TRPM5: variants seen among roughly 807,000 people sequenced by gnomAD.
TRPM5 encodes MLSN1 and TRP-related.
Under a neutral mutation model 124.9 loss-of-function variants are expected in TRPM5, and 121 were observed. That is an observed-to-expected ratio of 0.97 (90% CI 0.84 to 1.13). The LOEUF (loss-of-function observed/expected upper bound fraction) is 1.13, where lower values mean the gene tolerates loss of function less well. Ranked by LOEUF, TRPM5 falls within the 50% of genes most tolerant of loss-of-function variation. The pLI, the probability that TRPM5 is intolerant of heterozygous loss-of-function variation, is 0.00. For missense variants in TRPM5, 1,643 were observed against 1,589.1 expected, an observed-to-expected ratio of 1.03 and a Z score of -0.58; for synonymous variants, 781 against 700.5, an observed-to-expected ratio of 1.11 and a Z score of -1.81.
At chr11:2,423,136 G>T, upstream of TRPM5, 1 of 967,582 alleles carries the variant, frequency 1.0e-6, no homozygotes, top group Non-Finnish European at 1.6e-6. Flanking sequence ...TTTCCCCTGG[G>T]AAGCCCCTCT....
At chr11:2,422,526 G>C (rs1481331789) in intron 1 of TRPM5, among the ~76,000 whole-genome samples, 1 of 152,002 alleles carries the variant, frequency 6.6e-6, no homozygotes, top group East Asian at 1.9e-4. Flanking sequence ...AGCAGGAGGA[G>C]AGTGGCCCCC....
chr11:2,421,637 A>T (rs1845773525), intron 2 of TRPM5, among the ~76,000 whole-genome samples: 1 of 152,216 alleles, frequency 6.6e-6, no homozygotes, highest in Admixed American at 6.5e-5. Flanking sequence ...TGAAACCTCA[A>T]GTCCTTTTCT....
upstream of TRPM5, among the ~76,000 whole-genome samples, chr11:2,426,211 G>A (rs1005755654): frequency 2.6e-5 from 4 of 152,178 alleles, no homozygotes; most frequent in East Asian, 7.7e-4. Context: ...CAGCAGCTGA[G>A]GTCAGGGAAG....
intron 18 of TRPM5, among the ~76,000 whole-genome samples, 190 bp from the exon 24 acceptor site, chr11:2,408,102 C>G (rs942642454): frequency 6.6e-6 from 1 of 152,168 alleles, no homozygotes; most frequent in Admixed American, 6.5e-5. Context: ...TCACAGCAAA[C>G]CAGAACCAGA....
chr11:2,413,006 C>T (rs1260501229), exon 15 of TRPM5: 6 of 1,603,884 alleles, frequency 3.7e-6, no homozygotes, highest in Non-Finnish European at 4.2e-6. Flanking sequence ...CCACCAGCTC[C>T]TCCACCCTGT....
chr11:2,406,073 C>T (rs967026179), exon 22 of TRPM5: 2 of 1,612,154 alleles, frequency 1.2e-6, no homozygotes, highest in Non-Finnish European at 1.7e-6. Context: ...CCCCGAGGTA[C>T]TTGGCAATGA....
chr11:2,422,353 G>C (rs112700123), intron 1 of TRPM5, 32 bp from the exon 7 acceptor site: 2 of 1,586,450 alleles, frequency 1.3e-6, no homozygotes, highest in South Asian at 2.3e-5. Flanking sequence ...CAGGGCTTTC[G>C]GGGCACGGGG....
intron 23 of TRPM5, among the ~76,000 whole-genome samples, chr11:2,405,303 C>CAG (rs1850292799): frequency 6.6e-6 from 1 of 152,244 alleles, no homozygotes; most frequent in Non-Finnish European, 1.5e-5. Context: ...CCACGCCAGG[C>CAG]AGAGCCTCAA....
chr11:2,422,945 C>G (rs1179261572), exon 1 of TRPM5: 1 of 1,613,236 alleles, frequency 6.2e-7, no homozygotes. Flanking sequence ...CCCAGACCCT[C>G]CAAAGTTGAC....
In TRPM5 at chr11:2,414,675, C is replaced by T. The variant is rs1485021456; in HGVS notation, c.1744+40G>A. ...TCGTCCGACCCCTCCGTCACATCCT[C>T]CCCCGCGCGCGGGCCCGGCCCCAGC... is the stretch of plus-strand genomic sequence containing the variant. On this transcript the variant is annotated intron_variant, in intron 11 of 23. Coordinates refer to ENST00000155858, the Ensembl canonical transcript of TRPM5. 6.1e-6 allele frequency: 9 copies of T among 1,467,018 alleles called. No individual in the cohort carries two copies. In the Admixed American group the frequency reaches 9.2e-5, roughly 15 times the overall value. The allele number at this position is 1,467,018 out of a possible 1,614,324, so 90.9% of individuals were successfully genotyped here.
intron 21 of TRPM5, 51 bp from the exon 27 acceptor site, chr11:2,406,142 G>T (rs369473047): frequency 1.3e-6 from 2 of 1,595,886 alleles, no homozygotes; most frequent in Admixed American, 1.7e-5. Flanking sequence ...GGTGCTCTGC[G>T]TGTGGGGAGC....
At chr11:2,417,637 C>A in intron 7 of TRPM5, 90 bp downstream of exon 12, 1 of 1,042,776 alleles carries the variant, frequency 9.6e-7, no homozygotes, top group Non-Finnish European at 1.4e-6. Context: ...CCGAGCGTCA[C>A]AAACATTGGC....
In TRPM5 at chr11:2,411,849, G is replaced by C. The variant is rs996725589; in HGVS notation, c.2475-82C>G. The C allele has an allele frequency of 5.8e-6, 9 of 1,553,998 alleles. No homozygotes were observed. The Admixed American group carries it at 7.3e-5, about 13-fold the overall frequency. On this transcript the variant is annotated intron_variant, in intron 16 of 23. Coordinates refer to ENST00000155858, the Ensembl canonical transcript of TRPM5. ...CAGGGGCACACAGCATGCTGGCTGC[G>C]GGCAGGGCCAGGGCCAGGCCAGGAC...
chr11:2,428,715 GGTAGTGACT>G, the TRPM5 span, among the ~76,000 whole-genome samples: 1 of 151,820 alleles, frequency 6.6e-6, no homozygotes, highest in Non-Finnish European at 1.5e-5. This position sits in a 1 kb window ranked among gnomAD's most constrained non-coding sequence, Gnocchi z 4.0. Context: ...CAGTGGTGGT[GGTAGTGACT>G]GTGGTGTTGT....
the TRPM5 span, among the ~76,000 whole-genome samples, chr11:2,431,213 G>A: frequency 6.6e-6 from 1 of 152,026 alleles, no homozygotes; most frequent in Non-Finnish European, 1.5e-5. Flanking sequence ...ACTTGGCTCT[G>A]AGCAAATGGG....
chr11:2,404,931 A>G, exon 24 of TRPM5: 2 of 1,610,640 alleles, frequency 1.2e-6, no homozygotes, highest in Non-Finnish European at 8.5e-7. Context: ...TGGCAGGCCA[A>G]GCAGCTCAGG....
chr11:2,437,413 G>A, the TRPM5 span, among the ~76,000 whole-genome samples: 1 of 152,174 alleles, frequency 6.6e-6, no homozygotes, highest in African/African-American at 2.4e-5. This position sits in a 1 kb window ranked among gnomAD's most constrained non-coding sequence, Gnocchi z 5.6. Context: ...GGTGGGGGGT[G>A]CCTTTCTCTA....
At chr11:2,422,248 G>T (rs774152014) in exon 2 of TRPM5, 2 of 1,612,468 alleles carry the variant, frequency 1.2e-6, no homozygotes, top group South Asian at 1.1e-5. Context: ...CAGGTTGGGG[G>T]CCGGCAGGTG....
At chr11:2,435,366 T>C in the TRPM5 span, among the ~76,000 whole-genome samples, 1 of 151,744 alleles carries the variant, frequency 6.6e-6, no homozygotes, top group East Asian at 1.9e-4. The surrounding 1 kb of genome is among the most constrained non-coding windows in gnomAD (Gnocchi z 4.1). Flanking sequence ...ACCCACTCAC[T>C]CACCCACCCA....
Sources: gnomAD v4.1 joint callset for allele counts (sites outside exome capture counted in the v4.1 genomes callset) on GRCh38, gnomAD v4.1.1 for gene constraint, Gnocchi (gnomAD v3.1) non-coding constraint, MANE v1.5 for transcripts, NCBI Gene and HGNC (gene_info 2026-07-23, HGNC 2026-07-21) for gene names.